Variants in SLC30A7 observed in about 807,000 individuals in gnomAD.
SLC30A7 encodes the protein zinc transporter 7.
SLC30A7 carries 35 observed loss-of-function variants against 46.0 expected under a neutral mutation model. The observed-to-expected ratio is 0.76, with a 90% CI of 0.58 to 1.01. The LOEUF is 1.01. Among genes scored for constraint, SLC30A7 ranks in the 50% least tolerant of loss-of-function variants. The probability of loss-of-function intolerance (pLI) is 0.00; values close to 1 mark genes in which losing one functional copy is unlikely to be tolerated. For synonymous variants in SLC30A7, 147 were observed against 157.8 expected, an observed-to-expected ratio of 0.93 and a Z score of 0.51; for missense variants, 464 against 451.1, an observed-to-expected ratio of 1.03 and a Z score of -0.26.
At chr1:100,995,084 T>G in the SLC30A7 span, 4 of 1,513,242 alleles carry the variant, frequency 2.6e-6, no homozygotes, top group South Asian at 1.1e-5. Flanking sequence ...AAAACACATG[T>G]ATGCATTCTC....
intron 8 of SLC30A7, among the ~76,000 whole-genome samples, chr1:100,946,709 G>A (rs1293763137): frequency 6.6e-6 from 1 of 152,078 alleles, no homozygotes; most frequent in Admixed American, 6.5e-5. Flanking sequence ...GAGGATTTTT[G>A]CATCGATGTT....
intron 8 of SLC30A7, among the ~76,000 whole-genome samples, chr1:100,959,133 TAGG>T (rs1655399451): frequency 6.6e-6 from 1 of 152,122 alleles, no homozygotes; most frequent in Non-Finnish European, 1.5e-5. Flanking sequence ...CAAGGATTAA[TAGG>T]AGGTGAAGGT....
intron 4 of SLC30A7, 64 bp from the exon 5 acceptor site, chr1:100,912,048 A>T: frequency 6.9e-7 from 1 of 1,441,054 alleles, no homozygotes; most frequent in East Asian, 2.3e-5. Context: ...TTGTCTTATG[A>T]TTTTGTTAGT....
At chr1:100,927,253 T>C (rs1653364855) in intron 8 of SLC30A7, among the ~76,000 whole-genome samples, 1 of 151,902 alleles carries the variant, frequency 6.6e-6, no homozygotes. Context: ...AGGGGAGGCC[T>C]GAGAACTGAG....
At chr1:100,951,254 C>G (rs888832334) in intron 8 of SLC30A7, among the ~76,000 whole-genome samples, 2 of 151,982 alleles carry the variant, frequency 1.3e-5, no homozygotes, top group African/African-American at 2.4e-5. Flanking sequence ...CAAAGTACCC[C>G]TTTGTCTACT....
chr1:100,925,713 T>C (rs368248700), intron 8 of SLC30A7, among the ~76,000 whole-genome samples: 2 of 152,172 alleles, frequency 1.3e-5, no homozygotes, highest in African/African-American at 4.8e-5. Flanking sequence ...AGAAAGGTAA[T>C]GTTTTTATTT....
intron 8 of SLC30A7, among the ~76,000 whole-genome samples, chr1:100,942,786 A>G (rs1654424929): frequency 6.6e-6 from 1 of 152,220 alleles, no homozygotes. Flanking sequence ...AATTTAAAAG[A>G]GTGTTTTTAA....
intron 9 of SLC30A7, among the ~76,000 whole-genome samples, chr1:100,963,160 A>G (rs919963410): frequency 3.3e-5 from 5 of 152,214 alleles, no homozygotes; most frequent in African/African-American, 1.2e-4. Context: ...TAAGTCATCA[A>G]TATATGAATA....
At chr1:100,911,716 AT>A (rs1008448466) in intron 4 of SLC30A7, among the ~76,000 whole-genome samples, 146 of 150,920 alleles carry the variant, frequency 9.7e-4, no homozygotes, top group African/African-American at 3.4e-3. Context: ...TGCCCAGCTA[AT>A]TTTTTTTTAT....
chr1:100,961,758 T>C, intron 8 of SLC30A7, 70 bp from the exon 9 acceptor site: 1 of 838,466 alleles, frequency 1.2e-6, no homozygotes, highest in South Asian at 1.7e-5. Flanking sequence ...GGGAGGCATA[T>C]TATTACTTTC....
At chr1:100,911,240 A>G in intron 4 of SLC30A7, 90 bp downstream of exon 4, 2 of 833,932 alleles carry the variant, frequency 2.4e-6, no homozygotes, top group Non-Finnish European at 3.7e-6. Flanking sequence ...TTTTTCAACT[A>G]TTATTAAATA....
At chr1:100,967,456 C>T (rs1655927841) in intron 10 of SLC30A7, among the ~76,000 whole-genome samples, 1 of 152,132 alleles carries the variant, frequency 6.6e-6, no homozygotes, top group African/African-American at 2.4e-5. Context: ...CCTAACAGAC[C>T]ATGGACCAGT....
chr1:100,952,561 A>G (rs1464234338), intron 8 of SLC30A7, among the ~76,000 whole-genome samples: 1 of 152,160 alleles, frequency 6.6e-6, no homozygotes, highest in Non-Finnish European at 1.5e-5. Flanking sequence ...ACTCTTACTC[A>G]TTCATCACCA....
chr1:100,981,899 A>G (rs971279986), downstream of SLC30A7: 4 of 152,216 alleles, frequency 2.6e-5, no homozygotes, highest in Non-Finnish European at 4.4e-5. Context: ...TTACTAGGAG[A>G]GAAGAGATGC....
At chr1:100,942,460 G>T (rs1322040533) in intron 8 of SLC30A7, among the ~76,000 whole-genome samples, 2 of 152,138 alleles carry the variant, frequency 1.3e-5, no homozygotes, top group African/African-American at 2.4e-5. Flanking sequence ...TGCTTTTTCT[G>T]TTCTCTCACC....
chr1:100,967,427 C>T (rs760046885), intron 10 of SLC30A7, among the ~76,000 whole-genome samples: 14 of 152,098 alleles, frequency 9.2e-5, no homozygotes, highest in Admixed American at 2.0e-4. Flanking sequence ...CGCCACTCAC[C>T]GCTGTGAGTG....
At chr1:100,994,784 C>T in the SLC30A7 span, among the ~76,000 whole-genome samples, 2 of 152,326 alleles carry the variant, frequency 1.3e-5, no homozygotes, top group Middle Eastern at 6.8e-3. Context: ...GCCTCAGCCT[C>T]CCAAAGTGCT....
intron 2 of SLC30A7, among the ~76,000 whole-genome samples, chr1:100,901,522 T>A (rs1481512954): frequency 6.6e-6 from 1 of 152,206 alleles, no homozygotes; most frequent in East Asian, 1.9e-4. Context: ...TGGCGCGATC[T>A]TGGCTTACTG....
At chr1:100,938,224 A>G (rs1291049713) in intron 8 of SLC30A7, among the ~76,000 whole-genome samples, 1 of 152,222 alleles carries the variant, frequency 6.6e-6, no homozygotes, top group Non-Finnish European at 1.5e-5. Flanking sequence ...TTGAGATCCC[A>G]TAGGAATTTT....
Sources: allele counts gnomAD v4.1 joint callset (sites outside exome capture counted in the v4.1 genomes callset), GRCh38; gene constraint gnomAD v4.1.1; transcripts MANE v1.5; gene names NCBI Gene and HGNC (gene_info 2026-07-23, HGNC 2026-07-21).